ANP32A: variants seen among roughly 807,000 people sequenced by gnomAD.
ANP32A encodes the protein acidic nuclear phosphoprotein 32 family member A.
ANP32A carries 1 observed loss-of-function variant against 33.9 expected under a neutral mutation model. The observed-to-expected ratio is 0.03, with a 90% CI of 0.01 to 0.14. ANP32A has a LOEUF of 0.14. Among genes scored for constraint, ANP32A ranks in the 10% least tolerant of loss-of-function variants. The pLI is 1.00. For missense variants in ANP32A, 155 were observed against 306.0 expected (o/e 0.51, Z 3.68); for synonymous variants, 115 against 120.5 (o/e 0.95, Z 0.30).
intron 1 of ANP32A, among the ~76,000 whole-genome samples, chr15:68,803,798 C>CTTTTTT (rs3985625): frequency 2.6e-4 from 26 of 101,150 alleles, no homozygotes; most frequent in African/African-American, 7.2e-4. Flanking sequence ...ATTTCACAAA[C>CTTTTTT]TTTTTTTTTT....
chr15:68,791,937 T>C (rs1894003047), intron 1 of ANP32A: 1 of 152,782 alleles, frequency 6.5e-6, no homozygotes, highest in African/African-American at 2.4e-5. Flanking sequence ...AACAGCTGCC[T>C]GTGAAAGACA....
Position 68,779,960 on chromosome 15 carries a change from A to C in ANP32A, c.*121T>G. ...TACACTCTTCCCCTCTCGTTCCCAC[A>C]GCAACGTTACAATCAGAAAAAAATA... On this transcript the variant is annotated 3_prime_UTR_variant, in exon 7 of 7. Coordinates refer to ENST00000465139, the MANE Select transcript of ANP32A (RefSeq NM_006305.4). The C allele has an allele frequency of 3.1e-6, 2 of 647,392 alleles. No individual in the cohort carries two copies. The highest frequency in any genetic ancestry group is 4.5e-5 in the East Asian group (1 of 22,064). 40.1% of individuals were successfully genotyped at this position (647,392 alleles called of 1,614,324 possible).
intron 1 of ANP32A, among the ~76,000 whole-genome samples, chr15:68,807,973 A>T (rs1365185189): frequency 6.6e-6 from 1 of 152,204 alleles, no homozygotes. Context: ...TAAATGAAAA[A>T]TTCCAAGTGT....
rs142506332 is a variant in ANP32A, at chr15:68,811,958, G to A, written c.54+8740C>T. ...AGGCCAGCCTGTTCTTGAACTCCTG[G>A]CCTCAGGTGCTCTGCCTGTCTTGGC... On this transcript the variant is annotated intron_variant, in intron 1 of 6. Coordinates refer to ENST00000465139, the MANE Select transcript of ANP32A (RefSeq NM_006305.4). Among the ~76,000 whole-genome samples, 761 of 151,952 alleles carry A rather than the reference G, an allele frequency of 5.0e-3. 21 individuals are homozygous for A. Among genetic ancestry groups the A allele is most frequent in the Admixed American group, 0.038 (585 of 15,280 alleles).
intron 5 of ANP32A, among the ~76,000 whole-genome samples, chr15:68,782,505 G>A (rs577471831): frequency 2.2e-4 from 34 of 152,268 alleles, no homozygotes; most frequent in African/African-American, 7.2e-4. Flanking sequence ...AACTCCTGGT[G>A]CTCTATTTCC....
intron 1 of ANP32A, among the ~76,000 whole-genome samples, chr15:68,815,434 AACGAG>A (rs1455469040): frequency 6.6e-6 from 1 of 152,048 alleles, no homozygotes; most frequent in Non-Finnish European, 1.5e-5. Context: ...GAGATCTGTT[AACGAG>A]ACAAGTGGAT....
intron 1 of ANP32A, among the ~76,000 whole-genome samples, chr15:68,795,051 G>C (rs1156882643): frequency 1.3e-5 from 2 of 152,176 alleles, no homozygotes; most frequent in African/African-American, 4.8e-5. Context: ...GTCACTGTGA[G>C]CTGGGCGATT....
At chr15:68,819,052 A>C (rs1183360280) in intron 1 of ANP32A, among the ~76,000 whole-genome samples, 1 of 152,174 alleles carries the variant, frequency 6.6e-6, no homozygotes, top group Non-Finnish European at 1.5e-5. Context: ...GGGGGTAGAC[A>C]AAAAGGATCT....
rs16952549 is a variant in ANP32A at position 68,800,182 on chromosome 15, T to C, written c.55-12263A>G. On this transcript the variant is annotated intron_variant, in intron 1 of 6. Transcript: ENST00000465139. ...GCCCTGCAAAGAGAGCTCTGAGTCTTTTCCCCTCTTAAAATGCTATGATTT... is the reference window on the plus strand; with the variant it reads ...GCCCTGCAAAGAGAGCTCTGAGTCTCTTCCCCTCTTAAAATGCTATGATTT... Among the ~76,000 whole-genome samples, 520 of 152,276 alleles carry C rather than the reference T, an allele frequency of 3.4e-3. 1 individual carries two copies. Among genetic ancestry groups the C allele is most frequent in the Middle Eastern group, 0.014 (4 of 292 alleles).
intron 1 of ANP32A, among the ~76,000 whole-genome samples, chr15:68,805,233 G>GA (rs1894200976): frequency 6.6e-6 from 1 of 152,234 alleles, no homozygotes; most frequent in Non-Finnish European, 1.5e-5. Flanking sequence ...TGCTATTTCA[G>GA]AAACACCAAT....
rs187296898 is a variant in ANP32A at position 68,819,671 on chromosome 15, C to T, written c.54+1027G>A. ...AAGCCCAGCACTGAGAAAGACGGGC[C>T]GGGGGTTCGAGCTGGGGGGCACCAG... On this transcript the variant is annotated intron_variant, in intron 1 of 6. Transcript: ENST00000465139. Among the ~76,000 whole-genome samples, 649 of 152,278 alleles carry T rather than the reference C, an allele frequency of 4.3e-3. 5 individuals carry two copies. The highest frequency in any genetic ancestry group is 0.015 in the African/African-American group (632 of 41,558).
At chr15:68,804,968 G>A (rs1894195805) in intron 1 of ANP32A, among the ~76,000 whole-genome samples, 1 of 152,236 alleles carries the variant, frequency 6.6e-6, no homozygotes, top group African/African-American at 2.4e-5. Flanking sequence ...GCTTTTAGAT[G>A]AAATTATTGG....
chr15:68,817,202 G>A (rs575223249), intron 1 of ANP32A, among the ~76,000 whole-genome samples: 10 of 152,194 alleles, frequency 6.6e-5, no homozygotes, highest in Non-Finnish European at 1.2e-4. Context: ...GGAGAAAGGC[G>A]GTTTACTTTT....
chr15:68,796,964 G>A (rs1444565675), intron 1 of ANP32A, among the ~76,000 whole-genome samples: 1 of 152,138 alleles, frequency 6.6e-6, no homozygotes, highest in Non-Finnish European at 1.5e-5. Flanking sequence ...CATGGGTCAA[G>A]GGGCCCAGGA....
intron 1 of ANP32A, among the ~76,000 whole-genome samples, chr15:68,808,079 C>G (rs1004534714): frequency 2.0e-4 from 30 of 152,190 alleles, no homozygotes; most frequent in Admixed American, 1.9e-3. Flanking sequence ...AGATTAAATC[C>G]TGCATCCTTC....
chr15:68,811,713 G>T (rs992294114), intron 1 of ANP32A, among the ~76,000 whole-genome samples: 1 of 152,110 alleles, frequency 6.6e-6, no homozygotes, highest in African/African-American at 2.4e-5. Context: ...GGTTACTTTT[G>T]TATGTAATGT....
chr15:68,820,875 C>G lies in ANP32A; in HGVS notation c.-124G>C. 1 of 1,168,300 alleles carries G rather than the reference C, an allele frequency of 8.6e-7. No homozygotes were observed. The highest frequency in any genetic ancestry group is 1.2e-6 in the Non-Finnish European group (1 of 806,662). 72.4% of individuals were successfully genotyped at this position (1,168,300 alleles called of 1,614,324 possible). On this transcript the variant is annotated 5_prime_UTR_variant, in exon 1 of 7. Transcript: ENST00000465139. ...CCAGCTCCGCTCGGTTCTCGAGCCC[C>G]CAGCACCCGCGGCGCACACTAACCT...
In ANP32A at chr15:68,780,027, A is replaced by G; in HGVS notation, c.*54T>C. 1 of 1,513,474 alleles carries G rather than the reference A, an allele frequency of 6.6e-7. No individual in the cohort carries two copies. Among genetic ancestry groups the G allele is most frequent in the Non-Finnish European group, 9.1e-7 (1 of 1,096,324 alleles). The allele number at this position is 1,513,474 out of a possible 1,614,324, so 93.8% of individuals were successfully genotyped here. A position where few individuals can be genotyped will look rare whatever the true frequency, so the allele number is the denominator to read the frequency against. On this transcript the variant is annotated 3_prime_UTR_variant, in exon 7 of 7. Coordinates refer to ENST00000465139, the MANE Select transcript of ANP32A (RefSeq NM_006305.4). This position sits in a 1 kb window ranked among gnomAD's most constrained non-coding sequence, Gnocchi z 4.3. ...ATTGGAGGGGGGGGGGAGAGGGGAT[A>G]TGGGTAAAAACAGTCAAATCACAAT...
chr15:68,786,276 T>G (rs938564479), intron 3 of ANP32A, among the ~76,000 whole-genome samples: 80 of 120,576 alleles, frequency 6.6e-4, no homozygotes, highest in African/African-American at 3.3e-3. Context: ...TTTTTTTTTT[T>G]GGAGACAGAG....
Sources: allele counts gnomAD v4.1 joint callset (sites outside exome capture counted in the v4.1 genomes callset), GRCh38; gene constraint gnomAD v4.1.1; non-coding constraint Gnocchi (gnomAD v3.1); transcripts MANE v1.5; gene names NCBI Gene and HGNC (gene_info 2026-07-23, HGNC 2026-07-21).